The following TRIM10 variants were observed in gnomAD, a reference collection of about 807,000 sequenced individuals.
TRIM10 encodes tripartite motif containing 10.
TRIM10 carries 42 observed loss-of-function variants against 40.0 expected under a neutral mutation model. The observed-to-expected ratio is 1.05, with a 90% CI of 0.82 to 1.36. TRIM10 has a LOEUF of 1.36. TRIM10 is among the 40% of genes most tolerant of loss of function. TRIM10 has a pLI of 0.00. For missense variants in TRIM10, 601 were observed against 608.3 expected, an observed-to-expected ratio of 0.99 and a Z score of 0.13; for synonymous variants, 260 against 239.5, an observed-to-expected ratio of 1.09 and a Z score of -0.79.
rs368379352 is a variant in TRIM10, at chr6:30,154,225, C to T, written c.1190G>A (p.Arg397Gln). ...DVQRKGELRL[R>Q]PEEGVWAVRL... ...CACAGCCCACACCCCCTCCTCTGGC[C>T]GCAGCCGAAGCTCCCCCTTCCGCTG... The change falls in exon 7 of 7, where the codon CGG becomes CAG. Residue 397 changes from arginine (R) to glutamine (Q), a missense_variant. Physicochemically the swap from Arg to Gln is conservative, Grantham distance 43. Coordinates refer to ENST00000449742, the MANE Select transcript of TRIM10 (RefSeq NM_006778.4). The T allele has an allele frequency of 3.7e-6, 6 of 1,612,736 alleles. No individual in the cohort carries two copies. The highest frequency in any genetic ancestry group is 1.3e-5 in the African/African-American group (1 of 74,906).
chr6:30,157,547 G>A (rs984939692), intron 3 of TRIM10, among the ~76,000 whole-genome samples, 156 bp from the exon 4 acceptor site: 2 of 151,756 alleles, frequency 1.3e-5, no homozygotes, highest in Non-Finnish European at 2.9e-5. Flanking sequence ...ATACAGTGGC[G>A]TGATCATGGC....
intron 5 of TRIM10, among the ~76,000 whole-genome samples, 166 bp from the exon 6 acceptor site, chr6:30,155,925 C>T (rs1001682982): frequency 6.6e-6 from 1 of 152,204 alleles, no homozygotes; most frequent in Non-Finnish European, 1.5e-5. Flanking sequence ...TCATCTGGAG[C>T]TCTTGTTAAA....
chr6:30,160,689 CAAG>C lies in TRIM10; in HGVS notation c.167_169del (p.Thr56_Cys57delinsSer). 1 of 1,614,214 alleles carries C rather than the reference CAAG, an allele frequency of 6.2e-7. No homozygotes were observed. The highest frequency in any genetic ancestry group is 8.5e-7 in the Non-Finnish European group (1 of 1,180,038). On this transcript the variant is annotated inframe_deletion, in exon 1 of 7. Transcript: ENST00000449742. Reference sequence around the variant, plus strand: ...ACGGAAGGGTTCTTTGCAGAGTGGGCAAGTAGGGGACTCCTCCAGGTCTGGGCC... The same window carrying C: ...ACGGAAGGGTTCTTTGCAGAGTGGGCTAGGGGACTCCTCCAGGTCTGGGCC...
upstream of TRIM10, chr6:30,163,706 A>G (rs143628773): frequency 1.0e-4 from 169 of 1,610,878 alleles, no homozygotes; most frequent in African/African-American, 1.5e-3. Flanking sequence ...CCCGTCCCTG[A>G]AGGTGGTCCA....
At chr6:30,154,788 C>T (rs929527517) in intron 6 of TRIM10, 10 of 663,774 alleles carry the variant, frequency 1.5e-5, no homozygotes, top group African/African-American at 7.1e-5. Context: ...TTCTGCTCAC[C>T]GCAAGTTGGC....
intron 5 of TRIM10, 40 bp downstream of exon 5, chr6:30,156,899 A>T: frequency 6.3e-7 from 1 of 1,582,806 alleles, no homozygotes; most frequent in South Asian, 1.1e-5. Context: ...CCCAGGCTTC[A>T]TGGCCACCTG....
At chr6:30,162,254 A>C (rs911096782), upstream of TRIM10, among the ~76,000 whole-genome samples, 2 of 149,666 alleles carry the variant, frequency 1.3e-5, no homozygotes, top group African/African-American at 5.0e-5. Flanking sequence ...CCATCCCGGG[A>C]GACAGAGCGA....
chr6:30,157,092 T>C (rs1477487668), intron 4 of TRIM10, 38 bp from the exon 5 acceptor site: 9 of 1,585,968 alleles, frequency 5.7e-6, no homozygotes, highest in Non-Finnish European at 7.8e-6. Context: ...GGAATTATCA[T>C]CCTTAATAAT....
rs753742225 is a variant in TRIM10 at position 30,153,740 on chromosome 6, C to T, written c.*229G>A. On this transcript the variant is annotated 3_prime_UTR_variant, in exon 7 of 7. Coordinates refer to ENST00000449742, the MANE Select transcript of TRIM10 (RefSeq NM_006778.4). ...GGATGGTGGTGAGCAGAACTGGCAGCAGCCTGAGTCCCCAGGTACCCTGGC... is the reference window on the plus strand; with the variant it reads ...GGATGGTGGTGAGCAGAACTGGCAGTAGCCTGAGTCCCCAGGTACCCTGGC... 3.7e-6 allele frequency: 6 copies of T among 1,612,954 alleles called. No homozygotes were observed. The African/African-American group carries it at 6.7e-5, about 18-fold the overall frequency.
chr6:30,157,665 T>C (rs940013733), intron 3 of TRIM10, among the ~76,000 whole-genome samples: 8 of 146,470 alleles, frequency 5.5e-5, no homozygotes, highest in Non-Finnish European at 9.0e-5. Flanking sequence ...TTCTTTTTTT[T>C]TTTTTTTTTT....
intron 1 of TRIM10, 58 bp from the exon 2 acceptor site, chr6:30,159,303 G>T: frequency 7.9e-7 from 1 of 1,267,448 alleles, no homozygotes; most frequent in South Asian, 1.2e-5. Context: ...AGGTTTGTCT[G>T]GTCATCTGAC....
In TRIM10 at chr6:30,160,909, C is replaced by T. The variant is rs368185515; in HGVS notation, c.-51G>A. On this transcript the variant is annotated 5_prime_UTR_variant, in exon 1 of 7. The change creates a new upstream start codon in the 5' untranslated region. Transcript: ENST00000449742. ...CAAGGCCACTCTCTCTGCTTGGCCA[C>T]GGGGGAAGGGCTGGGTCACACACTC... 247 of 1,515,552 alleles carry T rather than the reference C, an allele frequency of 1.6e-4. No homozygotes were observed. The highest frequency in any genetic ancestry group is 8.0e-4 in the Admixed American group (40 of 50,198). The allele number at this position is 1,515,552 out of a possible 1,614,324, so 93.9% of individuals were successfully genotyped here.
upstream of TRIM10, among the ~76,000 whole-genome samples, chr6:30,161,531 T>C (rs184466406): frequency 4.2e-4 from 63 of 149,238 alleles, no homozygotes; most frequent in Admixed American, 2.8e-3. Context: ...ACAACTTACA[T>C]TGATACAAGC....
rs532476043 is a variant in TRIM10, at chr6:30,157,903, C to T, written c.756+496G>A. Among the ~76,000 whole-genome samples the T allele has an allele frequency of 9.9e-5, 15 of 152,164 alleles. No individual in the cohort carries two copies. In the South Asian group the frequency reaches 2.1e-3, roughly 21 times the overall value. Reference sequence around the variant, plus strand: ...CCTGCTCACTGGAGGCAAAGTAAGTCTCATACCAAGGTCTCCTGTTTCTCA... The same window carrying T: ...CCTGCTCACTGGAGGCAAAGTAAGTTTCATACCAAGGTCTCCTGTTTCTCA... On this transcript the variant is annotated intron_variant, in intron 3 of 6. Transcript: ENST00000449742.
chr6:30,159,023 G>T, intron 2 of TRIM10, 127 bp downstream of exon 2: 1 of 659,284 alleles, frequency 1.5e-6, no homozygotes, highest in Non-Finnish European at 2.7e-6. Flanking sequence ...AGGTCATAGA[G>T]TTAGTGTCAG....
chr6:30,159,355 C>T, intron 1 of TRIM10, 110 bp from the exon 2 acceptor site: 1 of 711,860 alleles, frequency 1.4e-6, no homozygotes, highest in Admixed American at 2.4e-5. Context: ...AGAGGAGTCC[C>T]TTCCTTAGCT....
chr6:30,153,755 G>C lies in TRIM10; in HGVS notation c.*214C>G. ...GAACTGGCAGCAGCCTGAGTCCCCA[G>C]GTACCCTGGCCATCCACTGGGCATT... On this transcript the variant is annotated 3_prime_UTR_variant, in exon 7 of 7. Transcript: ENST00000449742. The C allele has an allele frequency of 6.2e-7, 1 of 1,613,038 alleles. No individual in the cohort carries two copies. Among genetic ancestry groups the C allele is most frequent in the Non-Finnish European group, 8.5e-7 (1 of 1,180,018 alleles).
At position 30,153,547 on chromosome 6, in the gene TRIM10, G is replaced by A. The variant is rs2127434901; in HGVS notation, c.*422C>T. 1 of 772,558 alleles carries A rather than the reference G, an allele frequency of 1.3e-6. No individual in the cohort carries two copies. The highest frequency in any genetic ancestry group is 2.3e-4 in the Middle Eastern group (1 of 4,276). The allele number at this position is 772,558 out of a possible 1,614,324, so 47.9% of individuals were successfully genotyped here. On this transcript the variant is annotated 3_prime_UTR_variant, in exon 7 of 7. Transcript: ENST00000449742. ...AGTTAACACAAACTAAATGGTTCTAGAGAATGTGATTACATGAACTCTAAC... is the reference window on the plus strand; with the variant it reads ...AGTTAACACAAACTAAATGGTTCTAAAGAATGTGATTACATGAACTCTAAC...
intron 3 of TRIM10, 118 bp downstream of exon 3, chr6:30,158,280 AC>A: frequency 1.1e-6 from 1 of 874,518 alleles, no homozygotes; most frequent in Non-Finnish European, 1.9e-6. Context: ...TGGTCCTCTG[AC>A]CCACCTCCCA....
Sources: allele counts gnomAD v4.1 joint callset (sites outside exome capture counted in the v4.1 genomes callset), GRCh38; gene constraint gnomAD v4.1.1; transcripts MANE v1.5; gene names NCBI Gene and HGNC (gene_info 2026-07-23, HGNC 2026-07-21).